Variants in TRPV3 observed in about 807,000 individuals in gnomAD.
The protein encoded by TRPV3 is VRL-3.
In TRPV3, 88 loss-of-function variants were observed where a neutral mutation model predicts 87.1. The observed-to-expected ratio is 1.01, with a 90% CI of 0.85 to 1.21. The LOEUF (loss-of-function observed/expected upper bound fraction) is 1.21, where lower values mean the gene tolerates loss of function less well. Ranked by LOEUF, TRPV3 falls within the 50% of genes most tolerant of loss-of-function variation. The pLI, the probability that TRPV3 is intolerant of heterozygous loss-of-function variation, is 0.00. For synonymous variants in TRPV3, 438 were observed against 423.3 expected (o/e 1.03, Z -0.43); for missense variants, 1,054 against 1,030.1 (o/e 1.02, Z -0.32).
rs1026280550 is a variant in TRPV3, at chr17:3,527,680, A to G, written c.1503+345T>C. The G allele has an allele frequency of 2.3e-5, 8 of 344,458 alleles. No homozygotes were observed. In the East Asian group the frequency reaches 2.4e-4, roughly 10 times the overall value. 21.3% of individuals were successfully genotyped at this position (344,458 alleles called of 1,614,324 possible). On this transcript the variant is annotated intron_variant, in intron 11 of 17. Coordinates refer to ENST00000576742, the MANE Select transcript of TRPV3 (RefSeq NM_145068.4). The stretch of plus-strand genomic sequence containing the variant: ...ATAAAGGATAGAAGGATGGTCGGTA[A>G]GGATGAGTGGACATGTGAATGGATG...
At chr17:3,547,544 C>CTGGGA (rs1377021297) in intron 2 of TRPV3, among the ~76,000 whole-genome samples, 3 of 152,178 alleles carry the variant, frequency 2.0e-5, no homozygotes, top group African/African-American at 7.2e-5. Context: ...TCACTTGGAC[C>CTGGGA]TGGGAGGTGG....
Position 3,518,584 on chromosome 17 carries a change from G to C in TRPV3, c.2077C>G (p.Arg693Gly). 1 of 1,554,628 alleles carries C rather than the reference G, an allele frequency of 6.4e-7. No individual in the cohort carries two copies. ...NVSKESERIWRLQRARTILEF... is the reference protein window; with the variant it reads ...NVSKESERIWGLQRARTILEF... ...TCTCCACCTAGGCTCACCTGCAGGC[G>C]CCAGATGCGTTCGCTCTCCTTGGAG... Residue 693 changes from arginine (R) to glycine (G), a missense_variant, in exon 15 of 18, where the codon CGC becomes GGC. Arg to Gly is a moderately radical substitution (Grantham distance 125, BLOSUM62 -2). Transcript: ENST00000576742. This position sits in a 1 kb window ranked among gnomAD's most constrained non-coding sequence, Gnocchi z 4.3.
intron 14 of TRPV3, among the ~76,000 whole-genome samples, chr17:3,519,692 GGATGGATGGATA>G (rs1360550841): frequency 3.0e-5 from 4 of 133,830 alleles, no homozygotes; most frequent in African/African-American, 1.1e-4. Flanking sequence ...ATGGATGATT[GGATGGATGGATA>G]GATGGATGGA....
At chr17:3,549,755 T>C (rs769033441) in intron 2 of TRPV3, among the ~76,000 whole-genome samples, 6 of 143,448 alleles carry the variant, frequency 4.2e-5, no homozygotes, top group Non-Finnish European at 9.1e-5. Context: ...GATAGGTGGA[T>C]GGATGGATGG....
chr17:3,531,972 G>T (rs914081587), intron 8 of TRPV3, among the ~76,000 whole-genome samples: 2 of 152,180 alleles, frequency 1.3e-5, no homozygotes, highest in African/African-American at 4.8e-5. Flanking sequence ...GGCGTCCCAG[G>T]AGCCACAGCC....
intron 6 of TRPV3, among the ~76,000 whole-genome samples, chr17:3,537,610 A>G (rs1445560813): frequency 1.3e-5 from 2 of 152,166 alleles, no homozygotes; most frequent in African/African-American, 2.4e-5. Flanking sequence ...ATAAAAAGGC[A>G]ATGTGTTTTA....
rs768117029 is a variant in TRPV3, at chr17:3,513,923, CGA to C, written c.2365_2366del (p.Ser789GlyfsTer54). ...FEEVEEFPET[S>X]V is the part of the protein sequence containing the mutation. ...CCAGCTCTGGGTTCCGCTTCTACAC[CGA>C]GGTTTCCGGGAATTCCTCGACTTCT... On this transcript the variant is annotated frameshift_variant, in exon 18 of 18. Transcript: ENST00000576742. LOFTEE classifies it high-confidence loss of function. 4.3e-6 allele frequency: 7 copies of C among 1,614,026 alleles called. No individual in the cohort carries two copies. Among genetic ancestry groups the C allele is most frequent in the Non-Finnish European group, 5.1e-6 (6 of 1,179,912 alleles).
At chr17:3,554,684 G>A (rs201842949) in intron 2 of TRPV3, 48 bp downstream of exon 2, 18 of 1,341,574 alleles carry the variant, frequency 1.3e-5, no homozygotes, top group African/African-American at 5.8e-5. Flanking sequence ...GCCCCCACTC[G>A]TGCCCCTCAC....
At chr17:3,526,644 C>G (rs9901167) in intron 12 of TRPV3, among the ~76,000 whole-genome samples, 11,533 of 152,196 alleles carry the variant, frequency 0.076, 1,471 homozygotes, top group African/African-American at 0.26. Context: ...CACTGGGCCC[C>G]ACAGCCCTGA....
At position 3,535,689 on chromosome 17, in the gene TRPV3, AT is replaced by A. The variant is rs937589734; in HGVS notation, c.667del (p.Ile223SerfsTer59). On this transcript the variant is annotated frameshift_variant, in exon 7 of 18. Transcript: ENST00000576742. LOFTEE classifies it high-confidence loss of function. ...YEGQTALNIA[I>X]ERRQGDIAAL... ...TGCGATGTCCCCCTGCCGCCGCTCG[AT>A]GGCGATGTTCAGCGCCGTCTGCCCT... 4 of 1,580,808 alleles carry A rather than the reference AT, an allele frequency of 2.5e-6. No individual in the cohort carries two copies. Among genetic ancestry groups the A allele is most frequent in the Non-Finnish European group, 3.4e-6 (4 of 1,165,944 alleles).
At chr17:3,517,810 C>CTTTTTTTTTTTTTTTTTTTTT (rs71153363) in intron 15 of TRPV3, among the ~76,000 whole-genome samples, 3 of 113,180 alleles carry the variant, frequency 2.7e-5, no homozygotes, top group Non-Finnish European at 5.5e-5. Flanking sequence ...ATGAGCATTT[C>CTTTTTTTTTTTTTTTTTTTTT]TTTTTTTTTT....
chr17:3,552,133 C>G (rs1445037854), intron 2 of TRPV3: 7 of 151,960 alleles, frequency 4.6e-5, no homozygotes, highest in African/African-American at 7.3e-5. Context: ...GATCCACCCG[C>G]CTCAGCCTCC....
chr17:3,546,542 C>G (rs773515054), intron 2 of TRPV3: 1 of 409,112 alleles, frequency 2.4e-6, no homozygotes, highest in Non-Finnish European at 5.0e-6. Context: ...TTTCTAGTCT[C>G]CTCTTGTCCT....
chr17:3,538,733 C>T (rs2074430972), intron 6 of TRPV3, among the ~76,000 whole-genome samples: 1 of 152,148 alleles, frequency 6.6e-6, no homozygotes, highest in East Asian at 1.9e-4. Context: ...TACAAGCGTG[C>T]CCCACCACGC....
rs1322154690 is a variant in TRPV3, at chr17:3,526,938, G to A, written c.1504-11C>T. On this transcript the variant is annotated splice_polypyrimidine_tract_variant and intron_variant, in intron 11 of 17. Transcript: ENST00000576742. ...GAAGATGGCAATGCCCTAAGGCCAG[G>A]AAGGAAAGAAACAGTGCACCCTCTT... 2 of 1,607,702 alleles carry A rather than the reference G, an allele frequency of 1.2e-6. No individual in the cohort carries two copies. Among genetic ancestry groups the A allele is most frequent in the Non-Finnish European group, 1.7e-6 (2 of 1,177,074 alleles).
intron 6 of TRPV3, 51 bp downstream of exon 6, chr17:3,542,471 A>C (rs781591528): frequency 5.7e-6 from 9 of 1,579,828 alleles, no homozygotes; most frequent in Non-Finnish European, 7.7e-6. Flanking sequence ...GTGGCCCCAT[A>C]CCCCACCCTC....
rs35481892 is a variant in TRPV3 at position 3,531,090 on chromosome 17, A to AC, written c.1066-888dup. On this transcript the variant is annotated intron_variant, in intron 8 of 17. Transcript: ENST00000576742. ...CAAAACAAAACAAACAAACAAAAAA[A>AC]CCAAAAATTCCCACAGCATCAACTG... Among the ~76,000 whole-genome samples the AC allele has an allele frequency of 3.6e-4, 54 of 150,954 alleles. No individual in the cohort carries two copies. The South Asian group carries it at 6.0e-3, about 17-fold the overall frequency.
rs114258779 is a variant in TRPV3 at position 3,542,568 on chromosome 17, G to A, written c.597C>T (p.Ile199=). ...ACTCGGCGTTGATGAACCTGCCCAG[G>A]ATGTCGTTCTCTTCAGCAAAGGCAA... ...ILLAFAEEND[I]LGRFINAEYT... is the part of the protein sequence containing the mutation. Residue 199 remains isoleucine (I), a synonymous_variant, in exon 6 of 18, where the codon ATC becomes ATT. Transcript: ENST00000576742. 1 of 1,614,094 alleles carries A rather than the reference G, an allele frequency of 6.2e-7. No individual in the cohort carries two copies. Among genetic ancestry groups the A allele is most frequent in the Non-Finnish European group, 8.5e-7 (1 of 1,180,014 alleles).
chr17:3,537,221 G>A (rs2074416056), intron 6 of TRPV3, among the ~76,000 whole-genome samples: 1 of 152,022 alleles, frequency 6.6e-6, no homozygotes, highest in Non-Finnish European at 1.5e-5. Context: ...GAACTCCTGG[G>A]CTCAAACGAT....
Sources: gnomAD v4.1 joint callset for allele counts (sites outside exome capture counted in the v4.1 genomes callset) on GRCh38, gnomAD v4.1.1 for gene constraint, Gnocchi (gnomAD v3.1) non-coding constraint, MANE v1.5 for transcripts, NCBI Gene and HGNC (gene_info 2026-07-23, HGNC 2026-07-21) for gene names.